ARG2: variants seen among roughly 807,000 people sequenced by gnomAD.
ARG2 encodes the protein arginase 2.
A neutral mutation model predicts 39.4 loss-of-function variants in ARG2; 21 were observed. That is an observed-to-expected ratio of 0.53 (90% CI 0.38 to 0.77). The LOEUF is 0.77. ARG2 is among the 30% of genes least tolerant of loss of function. The pLI, the probability that ARG2 is intolerant of heterozygous loss-of-function variation, is 0.00. For missense variants in ARG2, 378 were observed against 426.2 expected (o/e 0.89, Z 1.00); for synonymous variants, 150 against 156.7 (o/e 0.96, Z 0.32).
intron 2 of ARG2, among the ~76,000 whole-genome samples, chr14:67,638,200 T>C (rs2036992184): frequency 6.6e-6 from 1 of 152,154 alleles, no homozygotes; most frequent in Non-Finnish European, 1.5e-5. Context: ...TTTACTCTAA[T>C]AACCTTACTT....
intron 2 of ARG2, among the ~76,000 whole-genome samples, chr14:67,637,410 CA>C (rs34746542): frequency 0.086 from 8,804 of 102,304 alleles, 160 homozygotes; most frequent in African/African-American, 0.19. Context: ...GACTCTGTCT[CA>C]AAAAAAAAAA....
chr14:67,631,434 CTTTTTT>C (rs1319430069), intron 2 of ARG2, among the ~76,000 whole-genome samples: 1 of 113,160 alleles, frequency 8.8e-6, no homozygotes, highest in Non-Finnish European at 1.7e-5. Flanking sequence ...TTCTTTCTTT[CTTTTTT>C]TTTTTTTTTT....
intron 3 of ARG2, among the ~76,000 whole-genome samples, chr14:67,645,164 T>C (rs1037498170): frequency 6.6e-6 from 1 of 152,048 alleles, no homozygotes; most frequent in African/African-American, 2.4e-5. Context: ...GACTGTACCA[T>C]TTACCTAGAT....
chr14:67,642,402 A>G, intron 3 of ARG2, 39 bp downstream of exon 3: 2 of 1,607,444 alleles, frequency 1.2e-6, no homozygotes, highest in East Asian at 2.2e-5. Context: ...GATGGATTAC[A>G]TGGTGCTTGG....
chr14:67,638,768 A>G (rs2036999820), intron 2 of ARG2, among the ~76,000 whole-genome samples: 1 of 152,230 alleles, frequency 6.6e-6, no homozygotes, highest in Non-Finnish European at 1.5e-5. Context: ...CAGAAACACA[A>G]GGTTGCTGAG....
intron 7 of ARG2, 112 bp from the exon 8 acceptor site, chr14:67,650,603 T>C (rs2037160451): frequency 1.1e-6 from 1 of 940,212 alleles, no homozygotes; most frequent in African/African-American, 1.6e-5. Context: ...TTTTCTACTA[T>C]AAAATGGACT....
In ARG2 at chr14:67,642,157, T is replaced by G. The variant is rs559785692; in HGVS notation, c.185-29T>G. The G allele has an allele frequency of 3.1e-6, 5 of 1,608,272 alleles. No homozygotes were observed. The South Asian group carries it at 5.5e-5, about 18-fold the overall frequency. Reference sequence around the variant, plus strand: ...AAGAGTTGGAGATAGCACAGAAAATTCATCTTGTCATCCCTCATTTGCTTC... The same window carrying G: ...AAGAGTTGGAGATAGCACAGAAAATGCATCTTGTCATCCCTCATTTGCTTC... On this transcript the variant is annotated intron_variant, in intron 2 of 7. Transcript: ENST00000261783.
intron 2 of ARG2, among the ~76,000 whole-genome samples, chr14:67,631,211 C>T (rs1039932914): frequency 1.3e-5 from 2 of 152,204 alleles, no homozygotes; most frequent in African/African-American, 4.8e-5. Context: ...CTGGCTTTCT[C>T]ATTGCCCTTT....
chr14:67,634,816 T>A (rs2036954445), intron 2 of ARG2, among the ~76,000 whole-genome samples: 1 of 152,186 alleles, frequency 6.6e-6, no homozygotes, highest in Non-Finnish European at 1.5e-5. Flanking sequence ...CTTAAATAAT[T>A]TAACCTTTGA....
intron 2 of ARG2, among the ~76,000 whole-genome samples, chr14:67,636,730 T>C (rs950562175): frequency 5.3e-5 from 8 of 152,152 alleles, no homozygotes; most frequent in Non-Finnish European, 1.0e-4. Context: ...CGGTGTATTT[T>C]ATTACCAGCA....
intron 2 of ARG2, among the ~76,000 whole-genome samples, chr14:67,633,099 C>T (rs953779200): frequency 1.3e-5 from 2 of 152,042 alleles, no homozygotes; most frequent in African/African-American, 2.4e-5. Context: ...GGATTACAGG[C>T]GTGAGCCACT....
intron 2 of ARG2, among the ~76,000 whole-genome samples, chr14:67,633,627 C>T (rs2036940772): frequency 6.6e-6 from 1 of 152,196 alleles, no homozygotes; most frequent in African/African-American, 2.4e-5. Context: ...ATTTTCTACA[C>T]TGCTGTCTGA....
chr14:67,635,377 C>A (rs535551742), intron 2 of ARG2, among the ~76,000 whole-genome samples: 10 of 152,296 alleles, frequency 6.6e-5, no homozygotes, highest in African/African-American at 2.2e-4. Flanking sequence ...AAGGTTATTA[C>A]CCAAATTACA....
intron 2 of ARG2, among the ~76,000 whole-genome samples, chr14:67,630,874 T>C (rs2036911922): frequency 6.6e-6 from 1 of 152,156 alleles, no homozygotes; most frequent in South Asian, 2.1e-4. Context: ...TGAGCCACCG[T>C]GCCCCGCCCA....
At chr14:67,640,044 A>G (rs1847123593) in intron 2 of ARG2, among the ~76,000 whole-genome samples, 1 of 152,054 alleles carries the variant, frequency 6.6e-6, no homozygotes, top group African/African-American at 2.4e-5. Flanking sequence ...TTAAGTCTAA[A>G]GTATCCTCTC....
At chr14:67,640,890 CTA>C (rs1168911729) in intron 2 of ARG2, among the ~76,000 whole-genome samples, 31 of 152,272 alleles carry the variant, frequency 2.0e-4, no homozygotes, top group South Asian at 1.0e-3. Flanking sequence ...TTGAGCGTCC[CTA>C]ATCCAGAAAT....
intron 2 of ARG2, among the ~76,000 whole-genome samples, chr14:67,622,078 A>G (rs1049105735): frequency 6.6e-6 from 1 of 152,170 alleles, no homozygotes; most frequent in South Asian, 2.1e-4. Context: ...TGACAGAATG[A>G]GACTCCATCT....
In ARG2 at chr14:67,620,931, G is replaced by C; in HGVS notation, c.149G>C (p.Arg50Thr). 4.3e-6 allele frequency: 7 copies of C among 1,614,176 alleles called. No homozygotes were observed. Among genetic ancestry groups the C allele is most frequent in the Non-Finnish European group, 5.9e-6 (7 of 1,180,012 alleles). ...KGVEHGPAAIREAGLMKRLSS... is the reference protein window; with the variant it reads ...KGVEHGPAAITEAGLMKRLSS... Reference sequence around the variant, plus strand: ...GTGGAGCATGGTCCCGCTGCCATAAGAGAAGCTGGCTTGATGAAAAGGCTC... The same window carrying C: ...GTGGAGCATGGTCCCGCTGCCATAACAGAAGCTGGCTTGATGAAAAGGCTC... Residue 50 changes from arginine (R) to threonine (T), a missense_variant, in exon 2 of 8, where the codon AGA becomes ACA. Coordinates refer to ENST00000261783, the MANE Select transcript of ARG2 (RefSeq NM_001172.4).
At chr14:67,634,791 G>C (rs1187316733) in intron 2 of ARG2, among the ~76,000 whole-genome samples, 2 of 152,218 alleles carry the variant, frequency 1.3e-5, no homozygotes, top group African/African-American at 4.8e-5. Flanking sequence ...GAACCTAAGA[G>C]ATTACAGTGG....
Sources: gnomAD v4.1 joint callset for allele counts (sites outside exome capture counted in the v4.1 genomes callset) on GRCh38, gnomAD v4.1.1 for gene constraint, MANE v1.5 for transcripts, NCBI Gene and HGNC (gene_info 2026-07-23, HGNC 2026-07-21) for gene names.